XRCC4: variants seen among roughly 807,000 people sequenced by gnomAD.
XRCC4 encodes the protein DNA repair protein XRCC4.
A neutral mutation model predicts 39.1 loss-of-function variants in XRCC4; 28 were observed. The observed-to-expected ratio is 0.72, with a 90% confidence interval of 0.53 to 0.98. XRCC4 has a LOEUF of 0.98. Ranked by LOEUF, XRCC4 falls within the 50% of genes least tolerant of loss-of-function variation. XRCC4 has a pLI of 0.00. For synonymous variants in XRCC4, 123 were observed against 126.4 expected (o/e 0.97, Z 0.18); for missense variants, 350 against 376.4 (o/e 0.93, Z 0.58).
At chr5:83,198,817 A>G (rs1751056932) in intron 4 of XRCC4, among the ~76,000 whole-genome samples, 1 of 152,150 alleles carries the variant, frequency 6.6e-6, no homozygotes. Flanking sequence ...TCTTGGCTCC[A>G]TTTTGAACAA....
chr5:83,274,093 A>G (rs1251483267), intron 7 of XRCC4, among the ~76,000 whole-genome samples: 4 of 152,148 alleles, frequency 2.6e-5, no homozygotes, highest in Admixed American at 6.5e-5. Flanking sequence ...AATTAAAGAC[A>G]TGACAATTAT....
chr5:83,307,560 G>A (rs761080794), intron 7 of XRCC4, among the ~76,000 whole-genome samples: 2 of 152,186 alleles, frequency 1.3e-5, no homozygotes, highest in Non-Finnish European at 2.9e-5. Context: ...GACCAAGGTT[G>A]GAAGCCACAT....
chr5:83,098,779 T>A (rs1745794717), intron 1 of XRCC4, among the ~76,000 whole-genome samples: 2 of 152,034 alleles, frequency 1.3e-5, no homozygotes, highest in South Asian at 4.1e-4. Flanking sequence ...AAATCTTTAA[T>A]GTGGGGAGTG....
intron 7 of XRCC4, among the ~76,000 whole-genome samples, chr5:83,313,390 C>CA (rs1414638381): frequency 1.3e-5 from 2 of 152,070 alleles, no homozygotes; most frequent in East Asian, 3.9e-4. Flanking sequence ...AATGAGATTT[C>CA]AAAAAAATCT....
At chr5:83,132,336 G>A (rs1048394679) in intron 3 of XRCC4, among the ~76,000 whole-genome samples, 8 of 151,866 alleles carry the variant, frequency 5.3e-5, no homozygotes, top group South Asian at 2.1e-4. Flanking sequence ...TTTCAACTTC[G>A]GTGAATCTGA....
chr5:83,325,906 C>T (rs116189704), intron 7 of XRCC4, among the ~76,000 whole-genome samples: 3,376 of 152,142 alleles, frequency 0.022, 71 homozygotes, highest in Non-Finnish European at 0.034. Context: ...AGTGGTTGAG[C>T]GAATTTACAC....
intron 6 of XRCC4, among the ~76,000 whole-genome samples, chr5:83,251,152 G>C (rs368899926): frequency 1.3e-5 from 2 of 152,134 alleles, no homozygotes; most frequent in East Asian, 3.8e-4. Flanking sequence ...AATAAATATT[G>C]GTTGAATGAG....
intron 2 of XRCC4, among the ~76,000 whole-genome samples, chr5:83,109,526 A>G (rs1446437017): frequency 2.0e-5 from 3 of 151,976 alleles, no homozygotes; most frequent in South Asian, 2.1e-4. Flanking sequence ...GTGATAGCCT[A>G]AATTAACACA....
chr5:83,373,666 G>A, the XRCC4 span, among the ~76,000 whole-genome samples: 1 of 152,108 alleles, frequency 6.6e-6, no homozygotes, highest in African/African-American at 2.4e-5. Flanking sequence ...TTAATTCAGT[G>A]TTGGTGTGTA....
At chr5:83,137,308 A>T (rs1054488195) in intron 3 of XRCC4, among the ~76,000 whole-genome samples, 2 of 151,918 alleles carry the variant, frequency 1.3e-5, no homozygotes, top group African/African-American at 4.8e-5. Flanking sequence ...ATTATATAAT[A>T]ATTAGACTTA....
At chr5:83,310,922 G>T (rs1428822482) in intron 7 of XRCC4, 1 of 442,836 alleles carries the variant, frequency 2.3e-6, no homozygotes, top group Non-Finnish European at 4.5e-6. Flanking sequence ...GCTCTAGGCA[G>T]TGGAAAAGCC....
intron 3 of XRCC4, among the ~76,000 whole-genome samples, chr5:83,150,934 TTTG>T (rs1192151804): frequency 6.6e-6 from 1 of 152,106 alleles, no homozygotes; most frequent in Non-Finnish European, 1.5e-5. Context: ...AGGGTTTTGT[TTTG>T]TTTTGTTTTG....
At chr5:83,298,030 C>T (rs1755153054) in intron 7 of XRCC4, among the ~76,000 whole-genome samples, 1 of 151,900 alleles carries the variant, frequency 6.6e-6, no homozygotes, top group African/African-American at 2.4e-5. Context: ...TTTCTTTATG[C>T]CTCTGCCTTA....
chr5:83,145,876 A>G (rs1318720034), intron 3 of XRCC4, among the ~76,000 whole-genome samples: 1 of 140,642 alleles, frequency 7.1e-6, no homozygotes, highest in Non-Finnish European at 1.6e-5. Flanking sequence ...TTTTTTTCCT[A>G]ATATTTTGTG....
intron 3 of XRCC4, among the ~76,000 whole-genome samples, chr5:83,136,411 A>T (rs1747901167): frequency 6.6e-6 from 1 of 152,162 alleles, no homozygotes; most frequent in South Asian, 2.1e-4. Flanking sequence ...CACATAAGAC[A>T]TTCAGTGTCA....
intron 3 of XRCC4, among the ~76,000 whole-genome samples, chr5:83,159,793 A>G (rs1221436691): frequency 6.6e-6 from 1 of 152,126 alleles, no homozygotes; most frequent in Admixed American, 6.5e-5. Flanking sequence ...AAAGGCTCAA[A>G]CTTAGACACT....
At chr5:83,224,487 T>C (rs73134661) in intron 6 of XRCC4, among the ~76,000 whole-genome samples, 1 of 152,280 alleles carries the variant, frequency 6.6e-6, no homozygotes, top group African/African-American at 2.4e-5. Context: ...CATTGTAGTT[T>C]TAGTTGTTCT....
chr5:83,088,338 G>T, intron 1 of XRCC4, among the ~76,000 whole-genome samples: 1 of 152,078 alleles, frequency 6.6e-6, no homozygotes, highest in South Asian at 2.1e-4. Flanking sequence ...AAAAGTTTCT[G>T]GAGAGAAAGT....
At chr5:83,372,872 T>C in the XRCC4 span, among the ~76,000 whole-genome samples, 132 of 152,350 alleles carry the variant, frequency 8.7e-4, no homozygotes, top group African/African-American at 3.0e-3. Flanking sequence ...GTTTGCATTA[T>C]AAAAATATCA....
Sources: allele counts gnomAD v4.1 joint callset (sites outside exome capture counted in the v4.1 genomes callset), GRCh38; gene constraint gnomAD v4.1.1; transcripts MANE v1.5; gene names NCBI Gene and HGNC (gene_info 2026-07-23, HGNC 2026-07-21).